SGCD: variants seen among roughly 807,000 people sequenced by gnomAD.
The protein encoded by SGCD is sarcoglycan delta.
In SGCD, 18 loss-of-function variants were observed where a neutral mutation model predicts 36.6. That is an observed-to-expected ratio of 0.49 (90% CI 0.34 to 0.73). The LOEUF is 0.73. SGCD is among the 30% of genes least tolerant of loss of function. The probability of loss-of-function intolerance (pLI) is 0.01; values close to 1 mark genes in which losing one functional copy is unlikely to be tolerated. For synonymous variants in SGCD, 133 were observed against 130.6 expected (o/e 1.02, Z -0.12); for missense variants, 387 against 346.7 (o/e 1.12, Z -0.92).
chr5:155,933,694 A>T (rs566801050), intron 1 of SGCD, among the ~76,000 whole-genome samples: 1 of 152,370 alleles, frequency 6.6e-6, no homozygotes, highest in East Asian at 1.9e-4. Flanking sequence ...CAACATTTTT[A>T]GCTGCAAAAT....
At chr5:156,006,445 G>A (rs1216404807) in intron 1 of SGCD, among the ~76,000 whole-genome samples, 1 of 152,046 alleles carries the variant, frequency 6.6e-6, no homozygotes, top group Non-Finnish European at 1.5e-5. Flanking sequence ...TTGTAAGCTT[G>A]TTACAAATGC....
At chr5:156,533,922 C>A (rs1233740869) in intron 4 of SGCD, among the ~76,000 whole-genome samples, 1 of 152,082 alleles carries the variant, frequency 6.6e-6, no homozygotes, top group African/African-American at 2.4e-5. Flanking sequence ...GCCCACTGTC[C>A]CCACGTAGAC....
At chr5:156,032,877 C>G (rs1759385759) in intron 1 of SGCD, among the ~76,000 whole-genome samples, 1 of 151,442 alleles carries the variant, frequency 6.6e-6, no homozygotes, top group Non-Finnish European at 1.5e-5. Context: ...TGTGACCAGC[C>G]TGGACAACAT....
chr5:156,561,660 G>C (rs144519327), intron 4 of SGCD, among the ~76,000 whole-genome samples: 1 of 152,190 alleles, frequency 6.6e-6, no homozygotes, highest in Non-Finnish European at 1.5e-5. Flanking sequence ...TGGTTTTTCA[G>C]TGTCTGAGTG....
At chr5:156,211,175 AC>A (rs937090130) in intron 3 of SGCD, among the ~76,000 whole-genome samples, 2 of 152,180 alleles carry the variant, frequency 1.3e-5, no homozygotes, top group Non-Finnish European at 2.9e-5. Flanking sequence ...GGAAAAAAAA[AC>A]AAAAAACAAA....
At chr5:156,668,470 T>C (rs1235191739) in intron 7 of SGCD, among the ~76,000 whole-genome samples, 1 of 152,162 alleles carries the variant, frequency 6.6e-6, no homozygotes. Flanking sequence ...GGCAAAAAAA[T>C]GGAGCAAAAT....
At chr5:156,152,018 A>C (rs1485541899) in intron 3 of SGCD, among the ~76,000 whole-genome samples, 12 of 151,290 alleles carry the variant, frequency 7.9e-5, no homozygotes, top group Non-Finnish European at 1.6e-4. Context: ...GCTTGTATTG[A>C]GGTATTGATT....
chr5:156,610,167 T>C (rs1294621186), intron 6 of SGCD, among the ~76,000 whole-genome samples: 1 of 152,250 alleles, frequency 6.6e-6, no homozygotes, highest in East Asian at 1.9e-4. Flanking sequence ...TCCCCATCTT[T>C]GTAGTTTTAT....
In SGCD at chr5:156,761,642, G is replaced by A. The variant is rs573358257; in HGVS notation, c.*2252G>A. 6.6e-6 allele frequency: 1 copy of A among 152,248 alleles called. No homozygotes were observed. Among genetic ancestry groups the A allele is most frequent in the East Asian group, 1.9e-4 (1 of 5,188 alleles). 9.4% of individuals were successfully genotyped at this position (152,248 alleles called of 1,614,324 possible). On this transcript the variant is annotated 3_prime_UTR_variant, in exon 9 of 9. Coordinates refer to ENST00000337851, the MANE Select transcript of SGCD (RefSeq NM_000337.6). ...GACAGGTGATTTTTTAAAGTAGACT[G>A]TCTTTGCATTTTGCCATCTGAAGTT... is the stretch of plus-strand genomic sequence containing the variant.
At chr5:155,841,573 G>A in the SGCD span, among the ~76,000 whole-genome samples, 1 of 152,022 alleles carries the variant, frequency 6.6e-6, no homozygotes, top group African/African-American at 2.4e-5. Flanking sequence ...GGGGGGGTTG[G>A]TGGTCTTTTT....
intron 1 of SGCD, among the ~76,000 whole-genome samples, chr5:155,972,304 AG>A (rs1758021923): frequency 6.6e-6 from 1 of 152,182 alleles, no homozygotes; most frequent in African/African-American, 2.4e-5. Context: ...ATATTCTTTC[AG>A]GCATTTTTAA....
intron 1 of SGCD, among the ~76,000 whole-genome samples, chr5:156,001,001 C>T: frequency 6.6e-6 from 1 of 152,098 alleles, no homozygotes; most frequent in East Asian, 1.9e-4. Flanking sequence ...ACTTTTGGGG[C>T]TTGTTGTCTT....
chr5:156,233,313 G>A (rs75312759), intron 3 of SGCD, among the ~76,000 whole-genome samples: 4,082 of 152,270 alleles, frequency 0.027, 94 homozygotes, highest in African/African-American at 0.058. Context: ...TGTTATATTC[G>A]AAAGCTGCTA....
At chr5:156,529,839 A>G (rs1757811919) in intron 4 of SGCD, among the ~76,000 whole-genome samples, 1 of 152,264 alleles carries the variant, frequency 6.6e-6, no homozygotes, top group African/African-American at 2.4e-5. Flanking sequence ...GATGTTTTAA[A>G]TGGCAGTGGC....
At chr5:156,537,677 A>G (rs1170374644) in intron 4 of SGCD, among the ~76,000 whole-genome samples, 1 of 151,894 alleles carries the variant, frequency 6.6e-6, no homozygotes, top group East Asian at 1.9e-4. Flanking sequence ...TTGAAACCAC[A>G]TTTTTAACAT....
intron 3 of SGCD, among the ~76,000 whole-genome samples, chr5:156,184,355 G>A (rs1478275069): frequency 6.7e-6 from 1 of 148,414 alleles, no homozygotes; most frequent in African/African-American, 2.5e-5. Flanking sequence ...ATATGAGGAA[G>A]GCTGACAAGC....
the SGCD span, among the ~76,000 whole-genome samples, chr5:155,769,135 A>G: frequency 6.6e-6 from 1 of 152,144 alleles, no homozygotes; most frequent in Non-Finnish European, 1.5e-5. Context: ...CATAATATAT[A>G]CAGTAAAAAA....
intron 3 of SGCD, among the ~76,000 whole-genome samples, chr5:156,265,728 C>A (rs1411845309): frequency 6.6e-6 from 1 of 151,640 alleles, no homozygotes; most frequent in Admixed American, 6.6e-5. Context: ...TCCATGTGGG[C>A]CCCATAATTT....
intron 3 of SGCD, chr5:156,458,643 A>C (rs372033353): frequency 9.6e-6 from 6 of 623,148 alleles, no homozygotes; most frequent in Non-Finnish European, 1.7e-5. Context: ...ATTCATGCAG[A>C]TATTGTAAGA....
Sources: gnomAD v4.1 joint callset for allele counts (sites outside exome capture counted in the v4.1 genomes callset) on GRCh38, gnomAD v4.1.1 for gene constraint, MANE v1.5 for transcripts, NCBI Gene and HGNC (gene_info 2026-07-23, HGNC 2026-07-21) for gene names.